KLF12: variants seen among roughly 807,000 people sequenced by gnomAD.
KLF12 encodes Krueppel-like factor 12.
A neutral mutation model predicts 37.8 loss-of-function variants in KLF12; 9 were observed. That is an observed-to-expected ratio of 0.24 (90% CI 0.14 to 0.42). KLF12 has a LOEUF of 0.42. Among genes scored for constraint, KLF12 ranks in the 10% least tolerant of loss-of-function variants. The probability of loss-of-function intolerance (pLI) is 1.00; values close to 1 mark genes in which losing one functional copy is unlikely to be tolerated. For missense variants in KLF12, 411 were observed against 516.0 expected (o/e 0.80, Z 1.97); for synonymous variants, 208 against 202.1 (o/e 1.03, Z -0.25).
chr13:73,863,583 G>A (rs1048385571), intron 3 of KLF12, among the ~76,000 whole-genome samples: 3 of 152,068 alleles, frequency 2.0e-5, no homozygotes, highest in Non-Finnish European at 2.9e-5. Context: ...TTACTGTAGT[G>A]CTAAAACTAG....
chr13:73,875,269 CTCTTT>C (rs1886651257), intron 3 of KLF12, among the ~76,000 whole-genome samples: 1 of 152,062 alleles, frequency 6.6e-6, no homozygotes, highest in Admixed American at 6.5e-5. Flanking sequence ...TACATTTATT[CTCTTT>C]TAAGGTTACA....
chr13:74,271,186 C>A, the KLF12 span, among the ~76,000 whole-genome samples: 2 of 152,132 alleles, frequency 1.3e-5, no homozygotes, highest in Non-Finnish European at 2.9e-5. Context: ...AGTTTCATCC[C>A]GAAACCATCC....
chr13:73,968,933 T>C (rs1309621195), intron 2 of KLF12, among the ~76,000 whole-genome samples: 1 of 151,930 alleles, frequency 6.6e-6, no homozygotes, highest in Non-Finnish European at 1.5e-5. Context: ...TGGATCTCTA[T>C]TCCCTATCAT....
chr13:73,962,786 T>A (rs1891059416), intron 2 of KLF12, among the ~76,000 whole-genome samples: 1 of 152,202 alleles, frequency 6.6e-6, no homozygotes, highest in South Asian at 2.1e-4. Flanking sequence ...CGATAATGCA[T>A]TTCCTAACTC....
rs563523705 is a variant in KLF12, at chr13:73,813,377, G to A, written c.671-90C>T. 315 of 1,366,674 alleles carry A rather than the reference G, an allele frequency of 2.3e-4. 1 individual carries two copies. In the Middle Eastern group the frequency reaches 2.8e-3, roughly 12 times the overall value. The allele number at this position is 1,366,674 out of a possible 1,614,324, so 84.7% of individuals were successfully genotyped here. On this transcript the variant is annotated intron_variant, in intron 4 of 7. Coordinates refer to ENST00000377669, the MANE Select transcript of KLF12 (RefSeq NM_007249.5). ...CCAACATCAAGTATGGAACTTCTGT[G>A]CATATCATGCAAATGGAATTCTCTA...
the KLF12 span, among the ~76,000 whole-genome samples, chr13:74,240,001 T>C: frequency 7.3e-4 from 111 of 151,790 alleles, no homozygotes; most frequent in African/African-American, 2.5e-3. Context: ...GTTAGCTGGT[T>C]ATTTTGCTCG....
At chr13:73,706,750 T>C (rs1874982665) in intron 7 of KLF12, among the ~76,000 whole-genome samples, 1 of 152,234 alleles carries the variant, frequency 6.6e-6, no homozygotes, top group Non-Finnish European at 1.5e-5. Context: ...CGTATTATTT[T>C]ATATGCTGGA....
At chr13:74,040,415 A>C (rs1893370363) in intron 1 of KLF12, among the ~76,000 whole-genome samples, 1 of 152,162 alleles carries the variant, frequency 6.6e-6, no homozygotes, top group African/African-American at 2.4e-5. Flanking sequence ...TGACACCCCT[A>C]GTGGATGCAC....
intron 2 of KLF12, among the ~76,000 whole-genome samples, chr13:73,984,539 T>C (rs921510680): frequency 1.4e-5 from 2 of 144,198 alleles, no homozygotes; most frequent in Non-Finnish European, 3.0e-5. Flanking sequence ...ACATCCAGTG[T>C]GGCCTTCCTC....
intron 3 of KLF12, among the ~76,000 whole-genome samples, chr13:73,862,733 C>T (rs903702170): frequency 4.0e-5 from 6 of 151,896 alleles, no homozygotes; most frequent in Non-Finnish European, 5.9e-5. Flanking sequence ...AACAACTGTA[C>T]GTTATTCAAT....
chr13:73,896,166 C>T (rs1372120940), intron 3 of KLF12, among the ~76,000 whole-genome samples: 2 of 152,072 alleles, frequency 1.3e-5, no homozygotes, highest in African/African-American at 4.8e-5. Context: ...TTTGAGAAAT[C>T]AGGTCCCAAG....
chr13:74,144,212 C>T, the KLF12 span, among the ~76,000 whole-genome samples: 1 of 152,190 alleles, frequency 6.6e-6, no homozygotes, highest in African/African-American at 2.4e-5. Context: ...GCATCTGATG[C>T]TTTCAAATCA....
the KLF12 span, among the ~76,000 whole-genome samples, chr13:74,235,762 T>C: frequency 6.6e-6 from 1 of 152,138 alleles, no homozygotes; most frequent in Admixed American, 6.5e-5. Context: ...AAACTTATTT[T>C]CATTTCCTTA....
At chr13:74,041,729 C>T (rs1191616196) in intron 1 of KLF12, among the ~76,000 whole-genome samples, 2 of 151,278 alleles carry the variant, frequency 1.3e-5, no homozygotes, top group African/African-American at 4.9e-5. Context: ...CACACACACA[C>T]ACACCCCTTC....
At chr13:73,789,866 C>A (rs890389371) in intron 5 of KLF12, among the ~76,000 whole-genome samples, 2 of 151,970 alleles carry the variant, frequency 1.3e-5, no homozygotes, top group African/African-American at 4.8e-5. Flanking sequence ...TTAGTAGAGA[C>A]GGGGTTTCAC....
chr13:74,108,503 G>C (rs1222420677), intron 1 of KLF12, among the ~76,000 whole-genome samples: 1 of 152,088 alleles, frequency 6.6e-6, no homozygotes, highest in Admixed American at 6.6e-5. Flanking sequence ...CTTTGAATGT[G>C]GGGGGTGAGG....
chr13:74,177,755 C>G, the KLF12 span, among the ~76,000 whole-genome samples: 5 of 152,292 alleles, frequency 3.3e-5, no homozygotes, highest in South Asian at 6.2e-4. Flanking sequence ...GCCAGACAGA[C>G]TTGCAGGAGG....
rs533229054 is a variant in KLF12 at position 73,819,540 on chromosome 13, T to C, written c.671-6253A>G. The stretch of plus-strand genomic sequence containing the variant: ...TATGTATTTAGTCAACAGATATTTA[T>C]TGAACACCTACGAGGTAGCAAGCAG... On this transcript the variant is annotated intron_variant, in intron 4 of 7. Coordinates refer to ENST00000377669, the MANE Select transcript of KLF12 (RefSeq NM_007249.5). Among the ~76,000 whole-genome samples, 19 of 151,462 alleles carry C rather than the reference T, an allele frequency of 1.3e-4. 1 individual carries two copies. The highest frequency in any genetic ancestry group is 3.4e-3 in the Middle Eastern group (1 of 294).
chr13:73,782,086 G>A (rs1267984417), intron 5 of KLF12, among the ~76,000 whole-genome samples: 1 of 152,162 alleles, frequency 6.6e-6, no homozygotes, highest in Non-Finnish European at 1.5e-5. Flanking sequence ...TTCATGGAAG[G>A]GCTATGTAGT....
Sources: allele counts gnomAD v4.1 joint callset (sites outside exome capture counted in the v4.1 genomes callset), GRCh38; gene constraint gnomAD v4.1.1; transcripts MANE v1.5; gene names NCBI Gene and HGNC (gene_info 2026-07-23, HGNC 2026-07-21).